Variants in CDH12 observed in about 807,000 individuals in gnomAD.
The protein encoded by CDH12 is cadherin-12.
CDH12 carries 41 observed loss-of-function variants against 74.1 expected under a neutral mutation model. The observed-to-expected ratio is 0.55, with a 90% CI of 0.43 to 0.72. CDH12 has a LOEUF of 0.72. Ranked by LOEUF, CDH12 falls within the 30% of genes least tolerant of loss-of-function variation. The pLI is 0.00. For synonymous variants in CDH12, 399 were observed against 355.0 expected (o/e 1.12, Z -1.39); for missense variants, 945 against 977.2 (o/e 0.97, Z 0.44).
intron 3 of CDH12, among the ~76,000 whole-genome samples, chr5:22,377,887 T>C (rs958232491): frequency 6.6e-6 from 1 of 152,168 alleles, no homozygotes; most frequent in Admixed American, 6.5e-5. Flanking sequence ...CGTTTGGAAA[T>C]TCATACTATG....
intron 6 of CDH12, among the ~76,000 whole-genome samples, chr5:21,856,795 C>T (rs770873901): frequency 5.3e-5 from 8 of 151,804 alleles, no homozygotes; most frequent in South Asian, 2.1e-4. Flanking sequence ...CTTTGTGCTA[C>T]TTAAAAGGAT....
intron 6 of CDH12, among the ~76,000 whole-genome samples, chr5:21,873,471 A>T (rs1199271321): frequency 2.0e-5 from 3 of 152,206 alleles, no homozygotes; most frequent in Admixed American, 2.0e-4. Flanking sequence ...ACCTCTGTGG[A>T]TAATTGACAA....
chr5:22,811,119 A>G (rs111318011), intron 1 of CDH12, among the ~76,000 whole-genome samples: 53 of 151,870 alleles, frequency 3.5e-4, no homozygotes, highest in African/African-American at 1.2e-3. Flanking sequence ...ATATACATAT[A>G]CATATATACA....
chr5:22,725,357 A>G (rs138160817), intron 1 of CDH12, among the ~76,000 whole-genome samples: 125 of 152,030 alleles, frequency 8.2e-4, no homozygotes, highest in African/African-American at 2.9e-3. Flanking sequence ...GGAAACAGAA[A>G]GTGCTGAGAA....
At chr5:21,755,930 C>G in intron 13 of CDH12, 88 bp from the exon 14 acceptor site, 1 of 1,218,596 alleles carries the variant, frequency 8.2e-7, no homozygotes, top group South Asian at 1.5e-5. Flanking sequence ...GTAAGAAGCT[C>G]TTCTTGAATC....
chr5:22,342,938 T>C (rs914547690), intron 3 of CDH12, among the ~76,000 whole-genome samples: 3 of 152,024 alleles, frequency 2.0e-5, no homozygotes, highest in African/African-American at 7.2e-5. Context: ...AACCTCCGCC[T>C]CTCAGGTTAA....
intron 5 of CDH12, among the ~76,000 whole-genome samples, chr5:22,004,829 T>C (rs926924884): frequency 5.3e-5 from 8 of 152,122 alleles, no homozygotes; most frequent in African/African-American, 1.9e-4. Context: ...AGAGCCCCAA[T>C]GCCTATTATT....
At chr5:22,844,914 T>G (rs145430729) in intron 1 of CDH12, among the ~76,000 whole-genome samples, 2 of 152,266 alleles carry the variant, frequency 1.3e-5, no homozygotes, top group Non-Finnish European at 2.9e-5. Context: ...AGACAGTGCA[T>G]AGAGTTGAGT....
chr5:21,806,962 A>AT (rs1487660820), intron 9 of CDH12, among the ~76,000 whole-genome samples: 2 of 152,162 alleles, frequency 1.3e-5, no homozygotes, highest in African/African-American at 4.8e-5. Context: ...AGTCCACAAG[A>AT]TTAGGATTAT....
chr5:21,949,282 C>G (rs1349913441), intron 6 of CDH12, among the ~76,000 whole-genome samples: 2 of 151,690 alleles, frequency 1.3e-5, no homozygotes, highest in East Asian at 1.9e-4. Context: ...AACCCCATCT[C>G]TACTAAAAAT....
At chr5:22,113,625 C>A (rs1744934940) in intron 4 of CDH12, among the ~76,000 whole-genome samples, 1 of 152,082 alleles carries the variant, frequency 6.6e-6, no homozygotes, top group Admixed American at 6.6e-5. Flanking sequence ...CCAAGCTGCG[C>A]CCCAACCACC....
rs553080719 is a variant in CDH12, at chr5:22,251,662, T to C, written c.-332-39019A>G. ...ATGCCTTGCACATGGTACAACCATA[T>C]GATCACTAGTCAATCTTATTAAATA... On this transcript the variant is annotated intron_variant, in intron 3 of 14. Coordinates refer to ENST00000382254, the MANE Select transcript of CDH12 (RefSeq NM_004061.5). 1.6e-4 allele frequency among the ~76,000 whole-genome samples: 25 copies of C among 152,332 alleles called. 1 individual carries two copies. In the South Asian group the frequency reaches 5.2e-3, roughly 32 times the overall value.
chr5:22,137,997 T>C (rs1165817545), intron 4 of CDH12, among the ~76,000 whole-genome samples: 1 of 152,138 alleles, frequency 6.6e-6, no homozygotes, highest in Non-Finnish European at 1.5e-5. Flanking sequence ...TACTTTTACA[T>C]TTTGAATTAA....
chr5:22,026,319 C>T (rs1353110801), intron 5 of CDH12, among the ~76,000 whole-genome samples: 1 of 152,108 alleles, frequency 6.6e-6, no homozygotes, highest in African/African-American at 2.4e-5. Context: ...CTGCAGACAC[C>T]CTGCTTTAGG....
At chr5:21,772,097 AGAG>A (rs146041766) in intron 11 of CDH12, among the ~76,000 whole-genome samples, 5,915 of 152,252 alleles carry the variant, frequency 0.039, 197 homozygotes, top group East Asian at 0.15. Context: ...CTCTTGGTTG[AGAG>A]GAGAGGTCCA....
intron 3 of CDH12, among the ~76,000 whole-genome samples, chr5:22,375,466 A>G (rs1355916034): frequency 6.6e-6 from 1 of 152,132 alleles, no homozygotes; most frequent in African/African-American, 2.4e-5. Context: ...ATAAGAAACC[A>G]AAAAGCTTCT....
chr5:22,561,067 T>C (rs1412212143), intron 1 of CDH12, among the ~76,000 whole-genome samples: 1 of 152,204 alleles, frequency 6.6e-6, no homozygotes, highest in African/African-American at 2.4e-5. Flanking sequence ...TTAAAGCATA[T>C]TTACTTTCAA....
rs557123798 is a variant in CDH12, at chr5:21,838,168, C to G, written c.814+3993G>C. Among the ~76,000 whole-genome samples the G allele has an allele frequency of 1.5e-4, 23 of 152,186 alleles. No individual in the cohort carries two copies. The South Asian group carries it at 4.1e-3, about 27-fold the overall frequency. ...TTCTTTATAGGCCTCAGTTTCTTAA[C>G]AGTAATATGTGGAAAATAGTGATCT... On this transcript the variant is annotated intron_variant, in intron 8 of 14. Coordinates refer to ENST00000382254, the MANE Select transcript of CDH12 (RefSeq NM_004061.5).
chr5:21,882,231 C>G (rs568980879), intron 6 of CDH12, among the ~76,000 whole-genome samples: 9 of 152,296 alleles, frequency 5.9e-5, no homozygotes, highest in African/African-American at 1.9e-4. Context: ...CACATTTTAT[C>G]TGAATTTATT....
Sources: gnomAD v4.1 joint callset for allele counts (sites outside exome capture counted in the v4.1 genomes callset) on GRCh38, gnomAD v4.1.1 for gene constraint, MANE v1.5 for transcripts, NCBI Gene and HGNC (gene_info 2026-07-23, HGNC 2026-07-21) for gene names.